Variants in ROBO1 observed in about 807,000 individuals in gnomAD.
ROBO1 encodes the protein roundabout guidance receptor 1, also known as roundabout homolog 1.
In ROBO1, 149 loss-of-function variants were observed where a neutral mutation model predicts 195.9. That is an observed-to-expected ratio of 0.76 (90% CI 0.67 to 0.87). The LOEUF is 0.87. Ranked by LOEUF, ROBO1 falls within the 40% of genes least tolerant of loss-of-function variation. The probability of loss-of-function intolerance (pLI) is 0.00; values close to 1 mark genes in which losing one functional copy is unlikely to be tolerated. For missense variants in ROBO1, 1,933 were observed against 2,068.3 expected, an observed-to-expected ratio of 0.93 and a Z score of 1.27; for synonymous variants, 816 against 733.2, an observed-to-expected ratio of 1.11 and a Z score of -1.82.
intron 1 of ROBO1, among the ~76,000 whole-genome samples, chr3:79,695,772 C>A (rs1374609283): frequency 6.6e-6 from 1 of 151,246 alleles, no homozygotes; most frequent in Non-Finnish European, 1.5e-5. Flanking sequence ...TGTTGAAATG[C>A]TTTACTGCTA....
chr3:79,167,876 C>A (rs1559707913), intron 2 of ROBO1, among the ~76,000 whole-genome samples: 1 of 152,132 alleles, frequency 6.6e-6, no homozygotes, highest in Admixed American at 6.5e-5. Flanking sequence ...AATGGAGATA[C>A]AAATAGCATC....
At chr3:79,173,848 G>C (rs1265155192) in intron 2 of ROBO1, among the ~76,000 whole-genome samples, 2 of 152,034 alleles carry the variant, frequency 1.3e-5, no homozygotes, top group Non-Finnish European at 2.9e-5. Context: ...TACACCAATC[G>C]GCACTCTGTA....
In ROBO1 at chr3:78,959,800, T is replaced by C. The variant is rs187852967; in HGVS notation, c.173-20873A>G. ...TAGCAAGATCTGTGACAATATAGCA[T>C]CTGGTGTTTAATACACAGATAGCAC... On this transcript the variant is annotated intron_variant, in intron 3 of 30. Transcript: ENST00000464233. Among the ~76,000 whole-genome samples, 283 of 152,318 alleles carry C rather than the reference T, an allele frequency of 1.9e-3. 1 individual carries two copies. The highest frequency in any genetic ancestry group is 6.6e-3 in the African/African-American group (275 of 41,556).
At chr3:79,267,747 T>C (rs2030120324) in intron 2 of ROBO1, among the ~76,000 whole-genome samples, 2 of 151,508 alleles carry the variant, frequency 1.3e-5, no homozygotes, top group Non-Finnish European at 3.0e-5. Context: ...ATCTGTTTTG[T>C]TGTTATTTTA....
At chr3:78,991,738 T>C (rs1053863972) in intron 3 of ROBO1, among the ~76,000 whole-genome samples, 5 of 152,166 alleles carry the variant, frequency 3.3e-5, no homozygotes, top group African/African-American at 9.7e-5. Flanking sequence ...AGGACTTTGA[T>C]TAACGATACA....
At chr3:78,628,376 A>C (rs1507411) in intron 25 of ROBO1, among the ~76,000 whole-genome samples, 147,739 of 152,228 alleles carry the variant, frequency 0.97, 71,708 homozygotes, top group East Asian at 0.99. Flanking sequence ...TTCAGCTGAA[A>C]ACAAAATGAA....
intron 4 of ROBO1, among the ~76,000 whole-genome samples, chr3:78,821,292 A>G (rs2030907211): frequency 6.6e-6 from 1 of 150,824 alleles, no homozygotes; most frequent in South Asian, 2.1e-4. Flanking sequence ...CAGCCTCCCG[A>G]GTAACTGGGA....
chr3:79,109,082 A>G lies in ROBO1; in HGVS notation c.172+16374T>C, dbSNP rs544601815. ...GGACTGTATCTTTAAAACTAAGGTC[A>G]TGTCTGATCTGAATGGATGTTTAAA... On this transcript the variant is annotated intron_variant, in intron 3 of 30. Transcript: ENST00000464233. 2.2e-4 allele frequency among the ~76,000 whole-genome samples: 33 copies of G among 151,900 alleles called. No individual in the cohort carries two copies. In the South Asian group the frequency reaches 6.8e-3, roughly 31 times the overall value.
At chr3:79,614,335 T>C (rs1330489260) in intron 1 of ROBO1, among the ~76,000 whole-genome samples, 1 of 152,056 alleles carries the variant, frequency 6.6e-6, no homozygotes, top group Non-Finnish European at 1.5e-5. Flanking sequence ...TCCCAAATGT[T>C]TGGAAATTAA....
intron 2 of ROBO1, among the ~76,000 whole-genome samples, chr3:79,563,959 T>C (rs1158380210): frequency 2.6e-5 from 4 of 151,936 alleles, no homozygotes; most frequent in Admixed American, 6.6e-5. Flanking sequence ...GACTCTAATA[T>C]AGATTATAGG....
intron 3 of ROBO1, among the ~76,000 whole-genome samples, chr3:79,114,904 G>A (rs1365192602): frequency 6.6e-6 from 1 of 152,124 alleles, no homozygotes; most frequent in African/African-American, 2.4e-5. Context: ...ATATGCCTCA[G>A]GAAATATAAT....
chr3:79,592,714 A>G (rs1418333128), intron 1 of ROBO1, among the ~76,000 whole-genome samples: 1 of 151,998 alleles, frequency 6.6e-6, no homozygotes, highest in African/African-American at 2.4e-5. Context: ...TGCATTTGTT[A>G]CAACTGATCA....
intron 2 of ROBO1, among the ~76,000 whole-genome samples, chr3:79,337,960 G>C (rs923032359): frequency 1.3e-5 from 2 of 152,122 alleles, no homozygotes; most frequent in Non-Finnish European, 2.9e-5. Context: ...TGAATAAACA[G>C]CTTATAAAAT....
chr3:79,620,094 G>A (rs1303737666), intron 1 of ROBO1, among the ~76,000 whole-genome samples: 1 of 152,204 alleles, frequency 6.6e-6, no homozygotes, highest in African/African-American at 2.4e-5. Context: ...TGCTTCAAGT[G>A]CCAGAAATCT....
intron 18 of ROBO1, among the ~76,000 whole-genome samples, chr3:78,654,943 G>T (rs1706905279): frequency 6.6e-6 from 1 of 152,030 alleles, no homozygotes; most frequent in South Asian, 2.1e-4. Flanking sequence ...TAATAAAATT[G>T]GGCAAATATT....
At chr3:78,980,324 C>T (rs1173275274) in intron 3 of ROBO1, among the ~76,000 whole-genome samples, 1 of 152,068 alleles carries the variant, frequency 6.6e-6, no homozygotes, top group African/African-American at 2.4e-5. Flanking sequence ...TCAAAAACAT[C>T]CATACGAACA....
chr3:79,571,557 G>A (rs1003233511), intron 2 of ROBO1, among the ~76,000 whole-genome samples: 2 of 151,954 alleles, frequency 1.3e-5, no homozygotes, highest in Non-Finnish European at 2.9e-5. Flanking sequence ...CTAAAAACAT[G>A]AAAATAAAGA....
chr3:79,563,279 G>T (rs1260643544), intron 2 of ROBO1, among the ~76,000 whole-genome samples: 1 of 152,030 alleles, frequency 6.6e-6, no homozygotes, highest in African/African-American at 2.4e-5. Flanking sequence ...ATGAAATGAT[G>T]CAGATAATTA....
intron 2 of ROBO1, among the ~76,000 whole-genome samples, chr3:79,407,290 G>A (rs1209828482): frequency 6.6e-6 from 1 of 152,088 alleles, no homozygotes; most frequent in African/African-American, 2.4e-5. Flanking sequence ...CCATTCAGAG[G>A]TAGCAATAAA....
Sources: allele counts gnomAD v4.1 joint callset (sites outside exome capture counted in the v4.1 genomes callset), GRCh38; gene constraint gnomAD v4.1.1; transcripts MANE v1.5; gene names NCBI Gene and HGNC (gene_info 2026-07-23, HGNC 2026-07-21).